MPP7: variants seen among roughly 807,000 people sequenced by gnomAD.
MPP7 encodes the protein MAGUK p55 scaffold protein 7.
Under a neutral mutation model 76.5 loss-of-function variants are expected in MPP7, and 60 were observed. That is an observed-to-expected ratio of 0.78 (90% confidence interval 0.64 to 0.97). The LOEUF (loss-of-function observed/expected upper bound fraction) is 0.97, where lower values mean the gene tolerates loss of function less well. Ranked by LOEUF, MPP7 falls within the 50% of genes least tolerant of loss-of-function variation. The pLI is 0.00. For missense variants in MPP7, 641 were observed against 694.0 expected (o/e 0.92, Z 0.86); for synonymous variants, 237 against 244.5 (o/e 0.97, Z 0.29).
chr10:28,238,779 C>T (rs1456453036), intron 1 of MPP7, 44 bp from the exon 2 acceptor site: 2 of 609,790 alleles, frequency 3.3e-6, no homozygotes, highest in East Asian at 5.5e-5. Context: ...AAGGGACCAT[C>T]ACCAAATCAC....
intron 3 of MPP7, among the ~76,000 whole-genome samples, chr10:28,153,645 AT>A (rs750639301): frequency 7.9e-5 from 12 of 152,232 alleles, no homozygotes; most frequent in Non-Finnish European, 1.5e-4. Flanking sequence ...CTTCCTAAAA[AT>A]AAATGTTTAA....
intron 12 of MPP7, among the ~76,000 whole-genome samples, chr10:28,089,433 T>C (rs980078241): frequency 6.6e-6 from 1 of 151,468 alleles, no homozygotes; most frequent in Non-Finnish European, 1.5e-5. Context: ...CAGTGTTTGC[T>C]ATCCCCACTT....
intron 3 of MPP7, among the ~76,000 whole-genome samples, chr10:28,187,187 C>T (rs754096238): frequency 2.0e-5 from 3 of 152,144 alleles, no homozygotes; most frequent in Non-Finnish European, 4.4e-5. Flanking sequence ...CGGGAGGGCA[C>T]AGTCGCACTA....
At position 28,265,457 on chromosome 10, in the gene MPP7, G is replaced by T. The variant is rs918507545; in HGVS notation, c.-131-26722C>A. The stretch of plus-strand genomic sequence containing the variant: ...ACCTGTAGTCCCAGCTGCTTGGGAG[G>T]CTGAGGTGGGAGGATTGCTTGAGTC... On this transcript the variant is annotated intron_variant, in intron 1 of 16. Transcript: ENST00000683449. 3.9e-5 allele frequency among the ~76,000 whole-genome samples: 6 copies of T among 152,192 alleles called. No homozygotes were observed. In the South Asian group the frequency reaches 1.2e-3, roughly 32 times the overall value.
intron 11 of MPP7, among the ~76,000 whole-genome samples, chr10:28,090,320 T>C (rs1853236296): frequency 6.6e-6 from 1 of 152,158 alleles, no homozygotes; most frequent in Non-Finnish European, 1.5e-5. Context: ...GTACACAATT[T>C]TATAAAAACA....
At chr10:28,103,041 C>G (rs1163506144) in intron 11 of MPP7, among the ~76,000 whole-genome samples, 1 of 152,270 alleles carries the variant, frequency 6.6e-6, no homozygotes, top group East Asian at 1.9e-4. Context: ...TCACTCTGCT[C>G]TGGTCACTCT....
At chr10:28,117,486 T>C (rs1292112363) in intron 11 of MPP7, among the ~76,000 whole-genome samples, 1 of 152,140 alleles carries the variant, frequency 6.6e-6, no homozygotes, top group East Asian at 1.9e-4. Context: ...CATGGCATTT[T>C]CCTATAATTC....
At chr10:28,124,758 C>T (rs1266885467) in intron 7 of MPP7, among the ~76,000 whole-genome samples, 3 of 152,024 alleles carry the variant, frequency 2.0e-5, no homozygotes, top group Non-Finnish European at 4.4e-5. Flanking sequence ...GCTGGGATTA[C>T]AGGCGTGAGC....
At chr10:28,166,485 G>A (rs1415931687) in intron 3 of MPP7, among the ~76,000 whole-genome samples, 1 of 136,184 alleles carries the variant, frequency 7.3e-6, no homozygotes, top group Non-Finnish European at 1.5e-5. Flanking sequence ...TCGGCTCACC[G>A]CAACCTCCAC....
At chr10:28,115,108 TTG>T (rs66460849) in intron 11 of MPP7, among the ~76,000 whole-genome samples, 2,477 of 151,708 alleles carry the variant, frequency 0.016, 67 homozygotes, top group African/African-American at 0.055. Context: ...TTTTTTGTTT[TTG>T]TTTTTTTTTG....
At chr10:28,216,013 T>C (rs1439021755) in intron 2 of MPP7, among the ~76,000 whole-genome samples, 1 of 152,026 alleles carries the variant, frequency 6.6e-6, no homozygotes, top group Non-Finnish European at 1.5e-5. Flanking sequence ...AGACCCCATG[T>C]ATTGGGTAGA....
intron 1 of MPP7, among the ~76,000 whole-genome samples, chr10:28,290,049 G>A (rs1840878119): frequency 6.6e-6 from 1 of 152,132 alleles, no homozygotes; most frequent in Non-Finnish European, 1.5e-5. Flanking sequence ...AAACTCCTGA[G>A]TTCAGGCCAT....
At chr10:28,309,497 T>A (rs1177043557) in intron 2 of MPP7, among the ~76,000 whole-genome samples, 1 of 152,046 alleles carries the variant, frequency 6.6e-6, no homozygotes, top group East Asian at 1.9e-4. Flanking sequence ...CTTCTCCCAG[T>A]TCCTACAAGA....
chr10:28,077,285 G>A lies in MPP7; in HGVS notation c.1124-7433C>T, dbSNP rs912224443. ...TGTAGGGTGCCAAGAACATTCAGAG[G>A]CAAATGACTTTATTTGGAAAATTTT... On this transcript the variant is annotated intron_variant, in intron 12 of 16. Coordinates refer to ENST00000683449, the MANE Select transcript of MPP7 (RefSeq NM_001318170.2). Among the ~76,000 whole-genome samples the A allele has an allele frequency of 2.0e-5, 3 of 152,086 alleles. 1 individual carries two copies. Among genetic ancestry groups the A allele is most frequent in the East Asian group, 1.9e-4 (1 of 5,174 alleles).
At chr10:28,230,147 T>A (rs943790673) in intron 2 of MPP7, among the ~76,000 whole-genome samples, 1 of 151,806 alleles carries the variant, frequency 6.6e-6, no homozygotes, top group Non-Finnish European at 1.5e-5. Flanking sequence ...ATGTATAACA[T>A]CAAGACATAG....
chr10:28,068,555 T>C (rs1588718731), intron 13 of MPP7, among the ~76,000 whole-genome samples: 1 of 152,162 alleles, frequency 6.6e-6, no homozygotes, highest in East Asian at 1.9e-4. Flanking sequence ...TCACATTTTA[T>C]TTGTAAGAAT....
At chr10:28,210,613 G>A (rs889546550) in intron 2 of MPP7, among the ~76,000 whole-genome samples, 11 of 152,236 alleles carry the variant, frequency 7.2e-5, no homozygotes, top group African/African-American at 2.2e-4. Flanking sequence ...TAAGAAAGGC[G>A]CTTAAAATTA....
At chr10:28,303,173 C>T (rs1423032996), upstream of MPP7, 1 of 141,372 alleles carries the variant, frequency 7.1e-6, no homozygotes, top group Non-Finnish European at 1.5e-5. Context: ...CGATAGGCGT[C>T]TCAGACTTGA....
intron 11 of MPP7, among the ~76,000 whole-genome samples, chr10:28,112,546 T>C (rs1475146987): frequency 6.6e-6 from 1 of 152,148 alleles, no homozygotes; most frequent in East Asian, 1.9e-4. Flanking sequence ...CCATAAAATT[T>C]TTAAGTAGAG....
Sources: gnomAD v4.1 joint callset for allele counts (sites outside exome capture counted in the v4.1 genomes callset) on GRCh38, gnomAD v4.1.1 for gene constraint, MANE v1.5 for transcripts, NCBI Gene and HGNC (gene_info 2026-07-23, HGNC 2026-07-21) for gene names.